The following MYO19 variants were observed in gnomAD, a reference collection of about 807,000 sequenced individuals.
MYO19 encodes the protein myosin XIX.
A neutral mutation model predicts 129.2 loss-of-function variants in MYO19; 132 were observed. That is an observed-to-expected ratio of 1.02 (90% CI 0.89 to 1.18). MYO19 has a LOEUF of 1.18. MYO19 is among the 50% of genes most tolerant of loss of function. The pLI is 0.00. For synonymous variants in MYO19, 531 were observed against 477.2 expected, an observed-to-expected ratio of 1.11 and a Z score of -1.47; for missense variants, 1,210 against 1,216.7, an observed-to-expected ratio of 0.99 and a Z score of 0.08.
chr17:36,516,925 G>C (rs1006106671), intron 6 of MYO19, among the ~76,000 whole-genome samples: 7 of 151,998 alleles, frequency 4.6e-5, no homozygotes, highest in Admixed American at 3.3e-4. Flanking sequence ...TGTAGAACTG[G>C]TAACATTTCT....
intron 4 of MYO19, 53 bp from the exon 5 acceptor site, chr17:36,527,752 C>T: frequency 6.5e-7 from 1 of 1,546,370 alleles, no homozygotes; most frequent in Non-Finnish European, 8.8e-7. Flanking sequence ...TCAAACCACA[C>T]ACACAGACAC....
intron 16 of MYO19, 101 bp downstream of exon 16, chr17:36,507,298 C>T (rs1163855056): frequency 1.4e-6 from 2 of 1,429,982 alleles, no homozygotes; most frequent in Non-Finnish European, 9.7e-7. Context: ...ATTTGGCAGA[C>T]TGGGAGGAGA....
In MYO19 at chr17:36,503,965, G is replaced by A. The variant is rs757067952; in HGVS notation, c.1961C>T (p.Ala654Val). The change falls in exon 20 of 26, where the codon GCT (alanine) becomes GTT (valine). Residue 654 changes from alanine (A) to valine (V), a missense_variant. Physicochemically the swap from Ala to Val is moderately conservative, Grantham distance 64 (BLOSUM62 0). Transcript: ENST00000614623. ...GCCCACTCACCGGATGGGGAAGCCA[G>A]CAGCACTGATATGGATGGTCTCCAC... is the stretch of plus-strand genomic sequence containing the variant. ...GLVETIHISA[A>V]GFPIRVSHRN... is the part of the protein sequence containing the mutation. 14 of 1,592,710 alleles carry A rather than the reference G, an allele frequency of 8.8e-6. No homozygotes were observed. The highest frequency in any genetic ancestry group is 1.2e-5 in the Non-Finnish European group (14 of 1,170,712).
chr17:36,506,112 T>G (rs192231585), intron 18 of MYO19, among the ~76,000 whole-genome samples: 8 of 151,376 alleles, frequency 5.3e-5, no homozygotes, highest in Admixed American at 2.6e-4. Context: ...GAGAAGTGAG[T>G]GAGGGTAGGG....
Position 36,520,478 on chromosome 17 carries a change from C to T in MYO19, c.415-4488G>A, listed in dbSNP as rs1239458120. Among the ~76,000 whole-genome samples, 3 of 152,146 alleles carry T rather than the reference C, an allele frequency of 2.0e-5. No homozygotes were observed. In the East Asian group the frequency reaches 5.8e-4, roughly 29 times the overall value. On this transcript the variant is annotated intron_variant, in intron 6 of 25. Coordinates refer to ENST00000614623, the MANE Select transcript of MYO19 (RefSeq NM_001163735.2). ...ACACCAATTACAAGTACAGTTGACC[C>T]TTGAAAACACGTGTTTGAATTGCAT...
chr17:36,523,222 C>A, intron 6 of MYO19, among the ~76,000 whole-genome samples: 1 of 150,262 alleles, frequency 6.7e-6, no homozygotes, highest in East Asian at 1.9e-4. Context: ...ATAAAGAGAA[C>A]GCTATGGGTT....
chr17:36,540,302 C>T (rs766730342), intron 2 of MYO19, among the ~76,000 whole-genome samples: 3 of 151,930 alleles, frequency 2.0e-5, no homozygotes, highest in Non-Finnish European at 4.4e-5. Flanking sequence ...CCTCCCATCA[C>T]AGCCTCCCAA....
At chr17:36,525,947 C>T (rs1363028260) in intron 5 of MYO19, among the ~76,000 whole-genome samples, 1 of 152,238 alleles carries the variant, frequency 6.6e-6, no homozygotes, top group Non-Finnish European at 1.5e-5. Flanking sequence ...AGACAGGGCT[C>T]TCAGGACAGA....
chr17:36,524,950 G>C (rs1265495993), intron 6 of MYO19, among the ~76,000 whole-genome samples: 2 of 152,194 alleles, frequency 1.3e-5, no homozygotes, highest in African/African-American at 4.8e-5. Flanking sequence ...AGAGCTGGGA[G>C]ACACTTTCGA....
intron 3 of MYO19, among the ~76,000 whole-genome samples, chr17:36,530,136 C>T (rs956214114): frequency 2.6e-5 from 4 of 150,980 alleles, no homozygotes; most frequent in Non-Finnish European, 3.0e-5. Context: ...CCAAGGTGAC[C>T]CTGTCTCTAT....
intron 11 of MYO19, chr17:36,512,691 G>T (rs761415182): frequency 1.8e-5 from 23 of 1,289,062 alleles, no homozygotes; most frequent in Non-Finnish European, 2.1e-5. Flanking sequence ...ATCTGGAGGT[G>T]AGGGTCACTT....
At chr17:36,540,050 A>T (rs764432223) in intron 2 of MYO19, among the ~76,000 whole-genome samples, 25 of 152,134 alleles carry the variant, frequency 1.6e-4, no homozygotes, top group Admixed American at 3.9e-4. Context: ...AATGGAATTG[A>T]AAGAAGGCTG....
At chr17:36,529,708 G>A (rs1285706368) in intron 3 of MYO19, among the ~76,000 whole-genome samples, 5 of 151,452 alleles carry the variant, frequency 3.3e-5, no homozygotes, top group African/African-American at 1.2e-4. Flanking sequence ...TTTATGAAGG[G>A]GAAAAAAAAA....
chr17:36,519,632 A>C (rs2073017631), intron 6 of MYO19, among the ~76,000 whole-genome samples: 1 of 127,512 alleles, frequency 7.8e-6, no homozygotes, highest in Non-Finnish European at 1.8e-5. Context: ...ATTATCTTCT[A>C]AAGAGACAAA....
intron 2 of MYO19, among the ~76,000 whole-genome samples, chr17:36,540,295 C>G (rs891524704): frequency 6.6e-6 from 1 of 152,072 alleles, no homozygotes; most frequent in Non-Finnish European, 1.5e-5. Flanking sequence ...ACGTGATCCT[C>G]CCATCACAGC....
At position 36,501,146 on chromosome 17, in the gene MYO19, T is replaced by C. The variant is rs779365692; in HGVS notation, c.2170A>G (p.Ile724Val). ...TLPVLTQAAA[I>V]TGDSAEAMPA... ...ATGGCCTCAGCCGAGTCACCAGTTA[T>C]GGCTGCTGCCTGAGTTAGGACCGGC... The change falls in exon 22 of 26, where the codon ATA (isoleucine) becomes GTA (valine). Residue 724 changes from isoleucine to valine, a missense_variant. Ile to Val is a conservative substitution (Grantham distance 29). Transcript: ENST00000614623. 1.5e-5 allele frequency: 24 copies of C among 1,613,952 alleles called. No homozygotes were observed. Among genetic ancestry groups the C allele is most frequent in the East Asian group, 4.5e-5 (2 of 44,884 alleles).
At chr17:36,533,090 A>G (rs2073922713) in intron 2 of MYO19, 1 of 155,114 alleles carries the variant, frequency 6.4e-6, no homozygotes, top group Admixed American at 6.3e-5. Context: ...GTGGTAGTTT[A>G]TATCACAGTT....
At chr17:36,536,575 G>A (rs1375281392), upstream of MYO19, among the ~76,000 whole-genome samples, 7 of 141,148 alleles carry the variant, frequency 5.0e-5, no homozygotes, top group African/African-American at 1.8e-4. Context: ...GCCCAGGCTG[G>A]AGTGCAATGG....
At chr17:36,512,226 CACACACACACAA>C (rs2072390728) in intron 11 of MYO19, among the ~76,000 whole-genome samples, 2 of 144,180 alleles carry the variant, frequency 1.4e-5, no homozygotes, top group African/African-American at 5.5e-5. Context: ...CACACACACA[CACACACACACAA>C]AATTAGCTGG....
Sources: gnomAD v4.1 joint callset for allele counts (sites outside exome capture counted in the v4.1 genomes callset) on GRCh38, gnomAD v4.1.1 for gene constraint, MANE v1.5 for transcripts, NCBI Gene and HGNC (gene_info 2026-07-23, HGNC 2026-07-21) for gene names.